TICRR: variants seen among roughly 807,000 people sequenced by gnomAD.
The protein encoded by TICRR is treslin.
Under a neutral mutation model 178.1 loss-of-function variants are expected in TICRR, and 132 were observed. That is an observed-to-expected ratio of 0.74 (90% CI 0.64 to 0.86). The LOEUF is 0.86. Among genes scored for constraint, TICRR ranks in the 40% least tolerant of loss-of-function variants. The pLI is 0.00. For missense variants in TICRR, 2,587 were observed against 2,334.3 expected (o/e 1.11, Z -2.23); for synonymous variants, 991 against 900.7 (o/e 1.10, Z -1.79).
rs199611021 is a variant in TICRR at position 89,601,877 on chromosome 15, T to C, written c.2468T>C (p.Leu823Pro). The change falls in exon 12 of 22, where the codon CTT becomes CCT. Residue 823 changes from leucine (L) to proline (P), a missense_variant. Transcript: ENST00000268138. ...ACACAAGAGAACAAATCACCACTTC[T>C]TTCTGTGCCTTTTTTGTCAAGTGCT... ...SMTQENKSPL[L>P]SVPFLSSARR... is the part of the protein sequence containing the mutation. The C allele has an allele frequency of 6.1e-4, 978 of 1,614,160 alleles. No homozygotes were observed. Among genetic ancestry groups the C allele is most frequent in the Non-Finnish European group, 7.8e-4 (916 of 1,180,022 alleles).
chr15:89,601,245 T>C, intron 9 of TICRR, 53 bp from the exon 10 acceptor site: 3 of 1,532,410 alleles, frequency 2.0e-6, no homozygotes, highest in Non-Finnish European at 2.7e-6. Context: ...GGAAGGAGCT[T>C]TTTGTTTAGT....
intron 11 of TICRR, 58 bp downstream of exon 11, chr15:89,601,626 G>C: frequency 1.2e-6 from 2 of 1,608,272 alleles, no homozygotes; most frequent in Admixed American, 1.7e-5. Context: ...CCTATGTATG[G>C]TGTTGTCTCT....
Position 89,623,822 on chromosome 15 carries a change from C to G in TICRR, c.3512C>G (p.Ser1171Ter), listed in dbSNP as rs1963464174. The part of the protein sequence containing the change: ...SSPGHDSPLD[S>*]KITPQKRHTQ... ...CCCGGCCATGACTCACCATTGGATT[C>G]AAAAATCACTCCTCAAAAACGACAT... The change falls in exon 20 of 22, where the codon TCA becomes TGA. Residue 1171 changes from serine (S) to a stop codon, truncating the protein, a stop_gained. Transcript: ENST00000268138. LOFTEE classifies it high-confidence loss of function. The G allele has an allele frequency of 6.2e-7, 1 of 1,613,898 alleles. No homozygotes were observed.
chr15:89,587,338 T>C (rs1447924447), intron 4 of TICRR, among the ~76,000 whole-genome samples: 1 of 152,110 alleles, frequency 6.6e-6, no homozygotes, highest in African/African-American at 2.4e-5. Context: ...GCATCAACTA[T>C]GCATGTTTGA....
intron 1 of TICRR, among the ~76,000 whole-genome samples, chr15:89,576,819 GTGTATA>G (rs1487246590): frequency 1.4e-4 from 1 of 7,096 alleles, no homozygotes; most frequent in Admixed American, 1.4e-3. Context: ...GTATGTGTGT[GTGTATA>G]TATATATATA....
intron 13 of TICRR, among the ~76,000 whole-genome samples, 178 bp downstream of exon 13, chr15:89,603,070 T>C (rs1963122204): frequency 6.6e-6 from 1 of 152,078 alleles, no homozygotes; most frequent in Admixed American, 6.5e-5. Context: ...GATTAACAAT[T>C]TTACTCAAGA....
At chr15:89,599,502 G>T in intron 8 of TICRR, 27 bp downstream of exon 8, 1 of 1,600,114 alleles carries the variant, frequency 6.2e-7, no homozygotes, top group African/African-American at 1.3e-5. Flanking sequence ...ATTGTTGTTT[G>T]TCATGGATGT....
At chr15:89,622,990 AGACTGAGAGTCCCCT>A (rs1400668764) in intron 19 of TICRR, among the ~76,000 whole-genome samples, 11 of 152,370 alleles carry the variant, frequency 7.2e-5, no homozygotes, top group African/African-American at 1.4e-4. Context: ...AATGCCAGCT[AGACTGAGAGTCCCCT>A]GACGGGATGA....
chr15:89,624,720 C>T lies in TICRR; in HGVS notation c.4410C>T (p.Ala1470=), dbSNP rs747409412. Reference sequence around the variant, plus strand: ...AGCATGTCACTCTCCTCAGTGAAGCCGAACACCATGGCATTGGTGACTTGA... The same window carrying T: ...AGCATGTCACTCTCCTCAGTGAAGCTGAACACCATGGCATTGGTGACTTGA... The part of the protein sequence containing the change: ...DTEHVTLLSE[A]EHHGIGDLKS... Residue 1470 remains alanine (A), a synonymous_variant, in exon 20 of 22, where the codon GCC becomes GCT. Transcript: ENST00000268138. 4.0e-5 allele frequency: 64 copies of T among 1,614,026 alleles called. No individual in the cohort carries two copies. Among genetic ancestry groups the T allele is most frequent in the Non-Finnish European group, 4.6e-5 (54 of 1,180,046 alleles).
At position 89,626,938 on chromosome 15, in the gene TICRR, C is replaced by G. The variant is rs372217618; in HGVS notation, c.5603-18C>G. The G allele has an allele frequency of 4.2e-5, 67 of 1,612,324 alleles. No homozygotes were observed. Among genetic ancestry groups the G allele is most frequent in the Non-Finnish European group, 5.4e-5 (64 of 1,178,810 alleles). ...CCTCTGTGACTCCTGCATGCTAAGC[C>G]TTTCTACCTTCTTCTAGATGAGGAT... is the stretch of plus-strand genomic sequence containing the variant. On this transcript the variant is annotated intron_variant, in intron 21 of 21. Transcript: ENST00000268138.
rs201761582 is a variant in TICRR, at chr15:89,621,495, G to C, written c.3257G>C (p.Arg1086Pro). 22 of 1,613,836 alleles carry C rather than the reference G, an allele frequency of 1.4e-5. No homozygotes were observed. Among genetic ancestry groups the C allele is most frequent in the Non-Finnish European group, 1.9e-5 (22 of 1,179,956 alleles). ...MISPSEKGSARMKKRSRNTLD... is the reference protein window; with the variant it reads ...MISPSEKGSAPMKKRSRNTLD... ...AGCCCCTCAGAAAAGGGTTCAGCTC[G>C]AATGAAAAAGCGTTCAAGAAACACT... Residue 1086 changes from arginine to proline, a missense_variant, in exon 19 of 22, where the codon CGA (arginine) becomes CCA (proline). By Grantham distance (103) the Arg-to-Pro change is moderately radical. Coordinates refer to ENST00000268138, the MANE Select transcript of TICRR (RefSeq NM_152259.4).
rs1364020955 is a variant in TICRR at position 89,623,874 on chromosome 15, TGAAAC to T, written c.3568_3572del (p.Thr1190AspfsTer6). On this transcript the variant is annotated frameshift_variant, in exon 20 of 22. Coordinates refer to ENST00000268138, the MANE Select transcript of TICRR (RefSeq NM_152259.4). LOFTEE classifies it high-confidence loss of function. Reference sequence around the variant, plus strand: ...CCCAGGCAGGAGAAGGTACCTCTCTTGAAACGAAGACACCAAGAACTCCTAAGAGG... The same window carrying T: ...CCCAGGCAGGAGAAGGTACCTCTCTTGAAGACACCAAGAACTCCTAAGAGG... The T allele has an allele frequency of 6.2e-7, 1 of 1,613,954 alleles. No individual in the cohort carries two copies. The highest frequency in any genetic ancestry group is 8.5e-7 in the Non-Finnish European group (1 of 1,180,024).
Position 89,595,647 on chromosome 15 carries a change from C to T in TICRR, c.1900+36C>T, listed in dbSNP as rs758577119. ...TAGTCTATAATTTACTCTTTTATAC[C>T]CCGCTTTTTTAAAAATAAAATTTAA... is the stretch of plus-strand genomic sequence containing the variant. On this transcript the variant is annotated intron_variant, in intron 7 of 21. Coordinates refer to ENST00000268138, the MANE Select transcript of TICRR (RefSeq NM_152259.4). The T allele has an allele frequency of 5.3e-6, 8 of 1,505,964 alleles. No homozygotes were observed. In the South Asian group the frequency reaches 7.2e-5, roughly 13 times the overall value. The allele number at this position is 1,505,964 out of a possible 1,614,324, so 93.3% of individuals were successfully genotyped here. A position where few individuals can be genotyped will look rare whatever the true frequency, so the allele number is the denominator to read the frequency against.
chr15:89,577,460 A>T (rs1962643758), intron 1 of TICRR, among the ~76,000 whole-genome samples: 1 of 152,136 alleles, frequency 6.6e-6, no homozygotes, highest in Non-Finnish European at 1.5e-5. Flanking sequence ...GCTGCTGGGG[A>T]CATGGTAACC....
intron 1 of TICRR, among the ~76,000 whole-genome samples, chr15:89,576,849 AT>A (rs1962629268): frequency 7.1e-6 from 1 of 141,460 alleles, no homozygotes; most frequent in Non-Finnish European, 1.5e-5. Flanking sequence ...ATATATATAT[AT>A]ATATATATAT....
chr15:89,604,097 A>G (rs1186783169), intron 13 of TICRR, among the ~76,000 whole-genome samples: 1 of 152,212 alleles, frequency 6.6e-6, no homozygotes, highest in African/African-American at 2.4e-5. Flanking sequence ...TCGCTGAGGA[A>G]AAAAGGGAGA....
rs773168358 is a variant in TICRR, at chr15:89,597,980, TA to T, written c.1901-1343del. Reference sequence around the variant, plus strand: ...ATTTAATACCTGGGTATTTCATATTTAGGGGGGGTGCTAATTTAAATGGTAA... The same window carrying T: ...ATTTAATACCTGGGTATTTCATATTTGGGGGGGTGCTAATTTAAATGGTAA... On this transcript the variant is annotated intron_variant, in intron 7 of 21. Transcript: ENST00000268138. Among the ~76,000 whole-genome samples the T allele has an allele frequency of 4.8e-4, 73 of 152,320 alleles. 1 individual carries two copies. The highest frequency in any genetic ancestry group is 5.7e-4 in the Non-Finnish European group (39 of 68,022).
intron 2 of TICRR, among the ~76,000 whole-genome samples, chr15:89,583,818 C>G (rs942956272): frequency 1.4e-5 from 2 of 145,624 alleles, no homozygotes; most frequent in African/African-American, 4.9e-5. Context: ...TCCCAAGTAG[C>G]TGGGACTAAA....
intron 5 of TICRR, among the ~76,000 whole-genome samples, chr15:89,593,706 G>A (rs1473519345): frequency 2.0e-5 from 3 of 152,108 alleles, no homozygotes; most frequent in Admixed American, 2.0e-4. Context: ...ACACACTTAG[G>A]GAGGATTAAT....
Sources: gnomAD v4.1 joint callset for allele counts (sites outside exome capture counted in the v4.1 genomes callset) on GRCh38, gnomAD v4.1.1 for gene constraint, MANE v1.5 for transcripts, NCBI Gene and HGNC (gene_info 2026-07-23, HGNC 2026-07-21) for gene names.